Variants in DAB1 observed in about 807,000 individuals in gnomAD.
The protein encoded by DAB1 is disabled homolog 1.
In DAB1, 15 loss-of-function variants were observed where a neutral mutation model predicts 64.6. That is an observed-to-expected ratio of 0.23 (90% CI 0.16 to 0.36). The LOEUF is 0.36. Ranked by LOEUF, DAB1 falls within the 10% of genes least tolerant of loss-of-function variation. DAB1 has a pLI of 1.00. For missense variants in DAB1, 596 were observed against 706.7 expected (o/e 0.84, Z 1.78); for synonymous variants, 235 against 251.9 (o/e 0.93, Z 0.64).
At chr1:57,882,562 C>T (rs1569912615) in intron 1 of DAB1, among the ~76,000 whole-genome samples, 1 of 152,202 alleles carries the variant, frequency 6.6e-6, no homozygotes, top group Non-Finnish European at 1.5e-5. Flanking sequence ...ATAGGTGCCT[C>T]ATAGGTGTTA....
chr1:57,250,688 G>C (rs908797464), intron 2 of DAB1, among the ~76,000 whole-genome samples: 37 of 151,976 alleles, frequency 2.4e-4, no homozygotes, highest in Non-Finnish European at 4.6e-4. Flanking sequence ...AGAATATTAG[G>C]CCCACACCTA....
chr1:57,558,510 A>G (rs541046790), intron 7 of DAB1, among the ~76,000 whole-genome samples: 1 of 152,206 alleles, frequency 6.6e-6, no homozygotes, highest in Non-Finnish European at 1.5e-5. Context: ...AAATCTGGAA[A>G]ATAGTCATGG....
At chr1:57,063,276 G>A (rs1650585687) in intron 8 of DAB1, among the ~76,000 whole-genome samples, 1 of 152,094 alleles carries the variant, frequency 6.6e-6, no homozygotes, top group Non-Finnish European at 1.5e-5. Flanking sequence ...AGACAAAAAT[G>A]AGGCGTAGGG....
intron 4 of DAB1, among the ~76,000 whole-genome samples, chr1:58,330,807 A>G (rs909073977): frequency 1.3e-5 from 2 of 152,226 alleles, no homozygotes; most frequent in African/African-American, 4.8e-5. Flanking sequence ...TGCTCAGATA[A>G]AAGATTCCTT....
chr1:58,088,852 AG>A (rs1207389489), intron 5 of DAB1, among the ~76,000 whole-genome samples: 1 of 152,316 alleles, frequency 6.6e-6, no homozygotes, highest in African/African-American at 2.4e-5. Context: ...CCATGAGAAA[AG>A]TCAGGGAAAG....
intron 7 of DAB1, among the ~76,000 whole-genome samples, chr1:57,641,605 C>T (rs759566193): frequency 1.3e-4 from 19 of 151,564 alleles, no homozygotes; most frequent in African/African-American, 2.7e-4. Flanking sequence ...AGGATGGTCT[C>T]GATCTTCTGA....
intron 3 of DAB1, among the ~76,000 whole-genome samples, chr1:58,379,971 T>A (rs1644372437): frequency 6.6e-6 from 1 of 152,174 alleles, no homozygotes; most frequent in Non-Finnish European, 1.5e-5. Flanking sequence ...TACCTATGTT[T>A]GGTCTAATGA....
intron 1 of DAB1, among the ~76,000 whole-genome samples, chr1:57,872,913 T>G (rs1252898206): frequency 2.0e-5 from 3 of 152,140 alleles, no homozygotes; most frequent in Admixed American, 2.0e-4. Flanking sequence ...GTGGTGTGAT[T>G]GGGCCTGGAT....
chr1:57,212,877 G>A (rs116319966), intron 2 of DAB1, among the ~76,000 whole-genome samples: 1,747 of 152,282 alleles, frequency 0.011, 35 homozygotes, highest in African/African-American at 0.04. Flanking sequence ...CCCAGTCTCA[G>A]AACCCTTCTG....
chr1:57,641,695 T>G (rs980556982), intron 7 of DAB1, among the ~76,000 whole-genome samples: 23 of 152,158 alleles, frequency 1.5e-4, no homozygotes, highest in African/African-American at 5.6e-4. Context: ...GCGTAATCTC[T>G]GAATAATATT....
intron 8 of DAB1, among the ~76,000 whole-genome samples, chr1:57,068,429 A>T (rs1651134790): frequency 6.6e-6 from 1 of 152,234 alleles, no homozygotes; most frequent in South Asian, 2.1e-4. Context: ...ATTATATTTT[A>T]GTCATTTAGA....
At chr1:58,385,275 G>A (rs1644423808) in intron 3 of DAB1, among the ~76,000 whole-genome samples, 1 of 152,150 alleles carries the variant, frequency 6.6e-6, no homozygotes. Context: ...CAAAGCTAAA[G>A]AGAAATTAAT....
chr1:57,778,270 A>C (rs1350093253), intron 6 of DAB1, among the ~76,000 whole-genome samples: 11 of 151,862 alleles, frequency 7.2e-5, no homozygotes, highest in Admixed American at 7.2e-4. Context: ...TTGTCTGTAC[A>C]CCAATTTCTT....
intron 4 of DAB1, among the ~76,000 whole-genome samples, chr1:58,243,206 G>A (rs1021723106): frequency 6.6e-6 from 1 of 151,554 alleles, no homozygotes; most frequent in African/African-American, 2.4e-5. Flanking sequence ...GAGAAAAAAT[G>A]TCACTAAAGA....
At chr1:57,731,456 A>G (rs892037707) in intron 6 of DAB1, among the ~76,000 whole-genome samples, 1 of 152,102 alleles carries the variant, frequency 6.6e-6, no homozygotes, top group Admixed American at 6.6e-5. Context: ...AATGATCAAA[A>G]TGTTGTTTTA....
chr1:57,113,375 A>G (rs1012581355), intron 4 of DAB1, among the ~76,000 whole-genome samples: 4 of 152,150 alleles, frequency 2.6e-5, no homozygotes, highest in Admixed American at 6.5e-5. Context: ...TATTTCTCAG[A>G]TGGGGAAATT....
chr1:57,411,661 G>T (rs753014176), intron 1 of DAB1, among the ~76,000 whole-genome samples: 1 of 152,188 alleles, frequency 6.6e-6, no homozygotes, highest in East Asian at 1.9e-4. Flanking sequence ...GTGACTAGCG[G>T]CTACCCTGGT....
intron 5 of DAB1, among the ~76,000 whole-genome samples, chr1:58,113,510 G>A (rs569993583): frequency 6.6e-6 from 1 of 152,266 alleles, no homozygotes; most frequent in African/African-American, 2.4e-5. Context: ...GTCAAAAGCT[G>A]AAGCACAAAT....
Position 57,636,185 on chromosome 1 carries a change from G to A in DAB1, n.625+13407C>T, listed in dbSNP as rs1248323844. Among the ~76,000 whole-genome samples, 6 of 150,752 alleles carry A rather than the reference G, an allele frequency of 4.0e-5. No homozygotes were observed. The East Asian group carries it at 1.2e-3, about 30-fold the overall frequency. On this transcript the variant is annotated intron_variant and non_coding_transcript_variant, in intron 7 of 20. Transcript: ENST00000485760. ...GCACTCTCTCCCATTCTCTACCCGA[G>A]TGTGCACAGAGGAAAGGCCACGTGA...
Sources: allele counts gnomAD v4.1 joint callset (sites outside exome capture counted in the v4.1 genomes callset), GRCh38; gene constraint gnomAD v4.1.1; transcripts MANE v1.5; gene names NCBI Gene and HGNC (gene_info 2026-07-23, HGNC 2026-07-21).